The following FARS2 variants were observed in gnomAD, a reference collection of about 807,000 sequenced individuals.
The protein encoded by FARS2 is phenylalanine--tRNA ligase, mitochondrial.
FARS2 carries 40 observed loss-of-function variants against 46.4 expected under a neutral mutation model. The observed-to-expected ratio is 0.86, with a 90% CI of 0.67 to 1.12. The LOEUF is 1.12. Among genes scored for constraint, FARS2 ranks in the 50% most tolerant of loss-of-function variants. FARS2 has a pLI of 0.00. For synonymous variants in FARS2, 234 were observed against 214.9 expected (o/e 1.09, Z -0.78); for missense variants, 513 against 567.9 (o/e 0.90, Z 0.98).
chr6:5,398,934 A>G (rs1462459988), intron 2 of FARS2, among the ~76,000 whole-genome samples: 1 of 152,080 alleles, frequency 6.6e-6, no homozygotes, highest in Non-Finnish European at 1.5e-5. Flanking sequence ...TAACTAGTGT[A>G]CAATATTTGC....
At chr6:5,407,055 AT>A (rs1761648961) in intron 3 of FARS2, among the ~76,000 whole-genome samples, 2 of 138,044 alleles carry the variant, frequency 1.4e-5, no homozygotes, top group East Asian at 2.3e-4. Context: ...ATATATATAT[AT>A]ATATATATAT....
intron 2 of FARS2, among the ~76,000 whole-genome samples, chr6:5,381,404 C>CACAT (rs1444628211): frequency 2.4e-5 from 2 of 81,898 alleles, no homozygotes; most frequent in East Asian, 5.5e-4. Context: ...CACACACACA[C>CACAT]ATACACACAC....
chr6:5,379,569 TG>T (rs1759619738), intron 2 of FARS2, among the ~76,000 whole-genome samples: 2 of 152,214 alleles, frequency 1.3e-5, no homozygotes, highest in South Asian at 4.1e-4. Flanking sequence ...GTTCACTGAG[TG>T]GCTCAGAAGT....
chr6:5,287,420 C>T (rs916974138), intron 1 of FARS2, among the ~76,000 whole-genome samples: 5 of 152,126 alleles, frequency 3.3e-5, no homozygotes, highest in Admixed American at 6.5e-5. Context: ...TGTTCCTTCC[C>T]GGCCGCACTG....
chr6:5,688,878 A>C (rs1757462086), intron 6 of FARS2, among the ~76,000 whole-genome samples: 1 of 152,008 alleles, frequency 6.6e-6, no homozygotes. Context: ...TCAATTTCAG[A>C]GCCTGTTATT....
At chr6:5,746,751 A>G (rs1761669667) in intron 6 of FARS2, among the ~76,000 whole-genome samples, 1 of 152,172 alleles carries the variant, frequency 6.6e-6, no homozygotes, top group Non-Finnish European at 1.5e-5. Context: ...CACATCACTA[A>G]TAGTGATCAG....
Position 5,572,569 on chromosome 6 carries a change from G to A in FARS2, c.1065+27229G>A, listed in dbSNP as rs148139178. On this transcript the variant is annotated intron_variant, in intron 5 of 6. Transcript: ENST00000274680. The stretch of plus-strand genomic sequence containing the variant: ...CATACAAATGTACGATCTCCTCTTG[G>A]GAGTTCTAGGTTTGTGCCACAGCTT... Among the ~76,000 whole-genome samples the A allele has an allele frequency of 1.5e-3, 225 of 152,140 alleles. 4 individuals are homozygous for A. The highest frequency in any genetic ancestry group is 5.3e-3 in the African/African-American group (218 of 41,508).
intron 2 of FARS2, among the ~76,000 whole-genome samples, chr6:5,373,396 A>G (rs575634587): frequency 1.5e-4 from 23 of 152,224 alleles, no homozygotes; most frequent in African/African-American, 4.1e-4. Flanking sequence ...TACAATACCA[A>G]CTATAGAGTC....
chr6:5,541,042 C>T (rs1770597604), intron 4 of FARS2, among the ~76,000 whole-genome samples: 1 of 152,148 alleles, frequency 6.6e-6, no homozygotes, highest in Non-Finnish European at 1.5e-5. Context: ...TCTGCAGATT[C>T]CTAGGGGGTC....
rs1236971569 is a variant in FARS2, at chr6:5,317,215, C to T, written c.-21-51335C>T. On this transcript the variant is annotated intron_variant, in intron 1 of 6. Transcript: ENST00000274680. ...ACCCAGATAAACATAAAACCTCACA[C>T]CAAAAGCCTGTTTACCTCAGTTCTT... Among the ~76,000 whole-genome samples the T allele has an allele frequency of 3.3e-5, 5 of 152,212 alleles. No homozygotes were observed. The East Asian group carries it at 7.7e-4, about 23-fold the overall frequency.
intron 6 of FARS2, among the ~76,000 whole-genome samples, chr6:5,641,535 G>A (rs552518007): frequency 6.6e-6 from 1 of 152,222 alleles, no homozygotes; most frequent in African/African-American, 2.4e-5. Context: ...GACCTCAGGG[G>A]ATCTGCCCAC....
Position 5,667,246 on chromosome 6 carries a change from A to G in FARS2, c.1217+53926A>G, listed in dbSNP as rs111232784. 6.6e-3 allele frequency among the ~76,000 whole-genome samples: 1,011 copies of G among 152,316 alleles called. 19 individuals carry two copies. The highest frequency in any genetic ancestry group is 0.023 in the African/African-American group (961 of 41,576). ...AAATAAAGATTAAATTTGGCTGGGC[A>G]CAGTGGCTCACGCCTGTAATCCCAG... is the stretch of plus-strand genomic sequence containing the variant. On this transcript the variant is annotated intron_variant, in intron 6 of 6. Transcript: ENST00000274680.
intron 3 of FARS2, among the ~76,000 whole-genome samples, chr6:5,426,616 A>G (rs976946192): frequency 6.6e-6 from 1 of 152,136 alleles, no homozygotes; most frequent in Admixed American, 6.6e-5. Flanking sequence ...TAATGTGTCA[A>G]TGTAACAATT....
chr6:5,499,496 T>G (rs1472877166), intron 4 of FARS2, among the ~76,000 whole-genome samples: 1 of 152,224 alleles, frequency 6.6e-6, no homozygotes, highest in East Asian at 1.9e-4. Context: ...TTAGCACTGC[T>G]TGGGTCTGTG....
chr6:5,511,856 A>G lies in FARS2; in HGVS notation c.905-33324A>G, dbSNP rs184988002. On this transcript the variant is annotated intron_variant, in intron 4 of 6. Transcript: ENST00000274680. ...GCTGAGAACCCTAAATAGAACAGGG[A>G]CAGGTTCAGGAGTCTGTTAGAGGAT... Among the ~76,000 whole-genome samples, 999 of 152,308 alleles carry G rather than the reference A, an allele frequency of 6.6e-3. 9 individuals are homozygous for G. The highest frequency in any genetic ancestry group is 0.011 in the Non-Finnish European group (742 of 68,022).
intron 6 of FARS2, among the ~76,000 whole-genome samples, chr6:5,753,957 T>G (rs1428632443): frequency 2.0e-5 from 3 of 152,258 alleles, no homozygotes; most frequent in Admixed American, 6.5e-5. Context: ...GAAATTTTAG[T>G]TAACATCAGT....
At chr6:5,333,343 G>C (rs1770931753) in intron 1 of FARS2, among the ~76,000 whole-genome samples, 1 of 152,152 alleles carries the variant, frequency 6.6e-6, no homozygotes. Context: ...TTTTTTAAGA[G>C]GTTGAATGAA....
chr6:5,673,489 G>A (rs536338535), intron 6 of FARS2, among the ~76,000 whole-genome samples: 10 of 152,188 alleles, frequency 6.6e-5, no homozygotes, highest in Non-Finnish European at 1.2e-4. Context: ...GCAAGGATAC[G>A]ATTACAATGC....
At chr6:5,406,391 T>C (rs1562017358) in intron 3 of FARS2, among the ~76,000 whole-genome samples, 1 of 152,226 alleles carries the variant, frequency 6.6e-6, no homozygotes, top group Non-Finnish European at 1.5e-5. Flanking sequence ...ACATCTTCAT[T>C]GTCCCCAGGA....
Sources: gnomAD v4.1 joint callset for allele counts (sites outside exome capture counted in the v4.1 genomes callset) on GRCh38, gnomAD v4.1.1 for gene constraint, MANE v1.5 for transcripts, NCBI Gene and HGNC (gene_info 2026-07-23, HGNC 2026-07-21) for gene names.